Variants in PPP2R3B observed in about 807,000 individuals in gnomAD.
PPP2R3B encodes serine/threonine-protein phosphatase 2A regulatory subunit B'' subunit beta.
PPP2R3B carries 68 observed loss-of-function variants against 72.9 expected under a neutral mutation model. That is an observed-to-expected ratio of 0.93 (90% CI 0.77 to 1.14). The LOEUF is 1.14. Among genes scored for constraint, PPP2R3B ranks in the 50% most tolerant of loss-of-function variants. The pLI is 0.00. For missense variants in PPP2R3B, 1,018 were observed against 842.0 expected, an observed-to-expected ratio of 1.21 and a Z score of -2.59; for synonymous variants, 466 against 375.8, an observed-to-expected ratio of 1.24 and a Z score of -2.78.
At chrX:343,011 A>G (rs1457126967) in intron 7 of PPP2R3B, among the ~76,000 whole-genome samples, 3 of 12,898 alleles carry the variant, frequency 2.3e-4, no homozygotes, top group African/African-American at 9.1e-4. Flanking sequence ...GTGAGACCTC[A>G]GCAACGGGAG....
At position 334,327 on chromosome X, in the gene PPP2R3B, C is replaced by G. The variant is rs747518723; in HGVS notation, c.*40G>C. 18 of 1,445,498 alleles carry G rather than the reference C, an allele frequency of 1.2e-5. No individual in the cohort carries two copies. The highest frequency in any genetic ancestry group is 2.7e-5 in the East Asian group (1 of 37,674). The allele number at this position is 1,445,498 out of a possible 1,614,324, so 89.5% of individuals were successfully genotyped here. A position where few individuals can be genotyped will look rare whatever the true frequency, so the allele number is the denominator to read the frequency against. On this transcript the variant is annotated 3_prime_UTR_variant, in exon 13 of 13. Transcript: ENST00000390665. ...GAGCCGCGGTGGCCCGGTGGTGGCACGTGGGGAGCGGCCCCGCGGCGGCGT... is the reference window on the plus strand; with the variant it reads ...GAGCCGCGGTGGCCCGGTGGTGGCAGGTGGGGAGCGGCCCCGCGGCGGCGT...
At chrX:369,061 C>T (rs1472778425) in intron 1 of PPP2R3B, among the ~76,000 whole-genome samples, 1 of 152,238 alleles carries the variant, frequency 6.6e-6, no homozygotes, top group African/African-American at 2.4e-5. Flanking sequence ...ACACACACAG[C>T]TCACTTGGGA....
chrX:338,799 T>C lies in PPP2R3B; in HGVS notation c.1449A>G (p.Lys483=). The C allele has an allele frequency of 6.2e-7, 1 of 1,612,428 alleles. No individual in the cohort carries two copies. The part of the protein sequence containing the change: ...NIEKYLDHEQ[K]EQISLLRDGD... ...TCACCCTGAGCAGGGAGATCTGCTC[T>C]TTCTGCTCGTGGTCGAGGTACTTCT... Residue 483 remains lysine (K), a synonymous_variant, in exon 11 of 13, where the codon AAA becomes AAG. Transcript: ENST00000390665.
At position 334,895 on chromosome X, in the gene PPP2R3B, T is replaced by G. The variant is rs776982822; in HGVS notation, c.1578-378A>C. On this transcript the variant is annotated intron_variant, in intron 12 of 12. Coordinates refer to ENST00000390665, the MANE Select transcript of PPP2R3B (RefSeq NM_013239.5). ...AAACAGGACCACAGTTTAGACACATTCTCCCAAAGCACAGAAGCTCCCAGT... is the reference window on the plus strand; with the variant it reads ...AAACAGGACCACAGTTTAGACACATGCTCCCAAAGCACAGAAGCTCCCAGT... 156 of 206,442 alleles carry G rather than the reference T, an allele frequency of 7.6e-4. 1 individual carries two copies. The highest frequency in any genetic ancestry group is 3.4e-3 in the African/African-American group (150 of 43,554). The allele number at this position is 206,442 out of a possible 1,614,324, so 12.8% of individuals were successfully genotyped here.
In PPP2R3B at chrX:334,410, A is replaced by C. The variant is rs772839150; in HGVS notation, c.1685T>G (p.Leu562Arg). Residue 562 changes from leucine (L) to arginine (R), a missense_variant, in exon 13 of 13, where the codon CTG (leucine) becomes CGG (arginine). By Grantham distance (102) the Leu-to-Arg change is moderately radical. Transcript: ENST00000390665. ...EAPSPLGAVDLYEYACGDEDL... is the reference protein window; with the variant it reads ...EAPSPLGAVDRYEYACGDEDL... The stretch of plus-strand genomic sequence containing the variant: ...CTCGTCCCCGCATGCGTACTCGTAC[A>C]GGTCCACGGCGCCCAGCGGTGAGGG... 4 of 1,588,148 alleles carry C rather than the reference A, an allele frequency of 2.5e-6. No individual in the cohort carries two copies. Among genetic ancestry groups the C allele is most frequent in the Non-Finnish European group, 2.6e-6 (3 of 1,173,442 alleles).
chrX:368,058 C>T, intron 1 of PPP2R3B, among the ~76,000 whole-genome samples: 1 of 152,362 alleles, frequency 6.6e-6, no homozygotes, highest in East Asian at 1.9e-4. Flanking sequence ...GTAAACACCA[C>T]TGGACACAAA....
intron 2 of PPP2R3B, among the ~76,000 whole-genome samples, chrX:350,259 C>T (rs908071105): frequency 2.0e-5 from 3 of 152,166 alleles, no homozygotes; most frequent in Admixed American, 6.5e-5. Context: ...GATCCCAGCC[C>T]GAAGGGTGAA....
chrX:369,953 C>T (rs1014353531), intron 1 of PPP2R3B, among the ~76,000 whole-genome samples: 4 of 152,146 alleles, frequency 2.6e-5, no homozygotes, highest in Non-Finnish European at 5.9e-5. Flanking sequence ...TCATGGATTC[C>T]AGCTGAGCCC....
At chrX:341,263 C>CGG in intron 9 of PPP2R3B, 44 bp downstream of exon 9, 1 of 1,600,444 alleles carries the variant, frequency 6.2e-7, no homozygotes, top group African/African-American at 1.3e-5. Context: ...GGGCGGCTCC[C>CGG]GGCCCCTCCA....
rs773117993 is a variant in PPP2R3B at position 338,717 on chromosome X, G to A, written c.1471-7C>T. ...GGCCGCCGCTGTCACCGTCCTGGAG[G>A]AAGCACACGGGTTACGTACACGGCG... On this transcript the variant is annotated splice_polypyrimidine_tract_variant and splice_region_variant and intron_variant, in intron 11 of 12. Coordinates refer to ENST00000390665, the MANE Select transcript of PPP2R3B (RefSeq NM_013239.5). 2.0e-5 allele frequency: 32 copies of A among 1,611,768 alleles called. No individual in the cohort carries two copies. The highest frequency in any genetic ancestry group is 1.6e-4 in the East Asian group (7 of 44,856).
At chrX:383,219 A>G (rs1489485510) in intron 1 of PPP2R3B, among the ~76,000 whole-genome samples, 1 of 152,186 alleles carries the variant, frequency 6.6e-6, no homozygotes, top group Non-Finnish European at 1.5e-5. Context: ...CCGGTAATTT[A>G]GAACGCAAGG....
At chrX:347,400 A>G (rs2071244391) in intron 3 of PPP2R3B, 64 bp from the exon 4 acceptor site, 3 of 1,466,784 alleles carry the variant, frequency 2.0e-6, no homozygotes, top group South Asian at 1.1e-5. Context: ...CCGCAGACGC[A>G]GGGTGGAACA....
rs1280198553 is a variant in PPP2R3B, at chrX:366,655, A to G, written c.325-5065T>C. Among the ~76,000 whole-genome samples, 11 of 34,848 alleles carry G rather than the reference A, an allele frequency of 3.2e-4. 1 individual carries two copies. The highest frequency in any genetic ancestry group is 2.5e-3 in the African/African-American group (10 of 4,024). The allele number at this position is 34,848 out of a possible 152,430, so 22.9% of individuals were successfully genotyped here. A position where few individuals can be genotyped will look rare whatever the true frequency, so the allele number is the denominator to read the frequency against. On this transcript the variant is annotated intron_variant, in intron 1 of 12. Coordinates refer to ENST00000390665, the MANE Select transcript of PPP2R3B (RefSeq NM_013239.5). The stretch of plus-strand genomic sequence containing the variant: ...AGAGGTTGCAGTGAGCTGAGATCGC[A>G]CCACTGCACTCCAGCCTGGGCGACA...
intron 1 of PPP2R3B, among the ~76,000 whole-genome samples, chrX:379,454 A>G (rs1395717241): frequency 6.6e-6 from 1 of 151,776 alleles, no homozygotes; most frequent in Non-Finnish European, 1.5e-5. Context: ...GTGTGTGTGT[A>G]TGCACCTGTG....
At chrX:347,798 A>T in intron 2 of PPP2R3B, 105 bp from the exon 3 acceptor site, 1 of 797,280 alleles carries the variant, frequency 1.3e-6, no homozygotes, top group Non-Finnish European at 1.9e-6. Flanking sequence ...CCTCTGCTGC[A>T]GAAAGACACA....
chrX:334,110 G>C lies in PPP2R3B; in HGVS notation c.*257C>G, dbSNP rs1237361131. 11 of 374,702 alleles carry C rather than the reference G, an allele frequency of 2.9e-5. No homozygotes were observed. The highest frequency in any genetic ancestry group is 4.7e-5 in the Non-Finnish European group (10 of 212,702). 23.2% of individuals were successfully genotyped at this position (374,702 alleles called of 1,614,324 possible). On this transcript the variant is annotated 3_prime_UTR_variant, in exon 13 of 13. Transcript: ENST00000390665. ...AGGCCCCGGAACCCAGGCTGGGTCGGGAACGGCAAGCGCCAGAGGGTGTCC... is the reference window on the plus strand; with the variant it reads ...AGGCCCCGGAACCCAGGCTGGGTCGCGAACGGCAAGCGCCAGAGGGTGTCC...
At chrX:376,526 C>G (rs868548307) in intron 1 of PPP2R3B, among the ~76,000 whole-genome samples, 1 of 142,498 alleles carries the variant, frequency 7.0e-6, no homozygotes, top group Non-Finnish European at 1.5e-5. Flanking sequence ...TATGCAGGGA[C>G]GGGCCGTCCA....
intron 1 of PPP2R3B, among the ~76,000 whole-genome samples, chrX:379,028 C>T (rs1429482630): frequency 2.8e-5 from 4 of 143,698 alleles, no homozygotes; most frequent in African/African-American, 9.7e-5. Flanking sequence ...TGTACATGCA[C>T]CTGTGTGTGT....
chrX:364,598 C>A (rs76078647), intron 1 of PPP2R3B, among the ~76,000 whole-genome samples: 5,374 of 138,924 alleles, frequency 0.039, 317 homozygotes, highest in East Asian at 0.18. Flanking sequence ...GGTGCCTGTA[C>A]TCCCAGCTAC....
Sources: gnomAD v4.1 joint callset for allele counts (sites outside exome capture counted in the v4.1 genomes callset) on GRCh38, gnomAD v4.1.1 for gene constraint, MANE v1.5 for transcripts, NCBI Gene and HGNC (gene_info 2026-07-23, HGNC 2026-07-21) for gene names.